The following SYNJ1 variants were observed in gnomAD, a reference collection of about 807,000 sequenced individuals.
SYNJ1 encodes the protein polyphosphatidylinositol phosphatase SYNJ1.
Under a neutral mutation model 168.2 loss-of-function variants are expected in SYNJ1, and 78 were observed. The observed-to-expected ratio is 0.46, with a 90% CI of 0.39 to 0.56. The LOEUF is 0.56. Ranked by LOEUF, SYNJ1 falls within the 20% of genes least tolerant of loss-of-function variation. The pLI is 0.00. For synonymous variants in SYNJ1, 539 were observed against 548.6 expected (o/e 0.98, Z 0.24); for missense variants, 1,303 against 1,597.6 (o/e 0.82, Z 3.14).
At chr21:32,639,193 GA>G in intron 30 of SYNJ1, 68 bp from the exon 31 acceptor site, 1 of 1,401,042 alleles carries the variant, frequency 7.1e-7, no homozygotes, top group Non-Finnish European at 9.7e-7. Flanking sequence ...CTTCTTTAGT[GA>G]AATGTTAGGA....
At chr21:32,642,234 G>A (rs1020226353) in intron 27 of SYNJ1, 101 bp from the exon 28 acceptor site, 2 of 1,316,980 alleles carry the variant, frequency 1.5e-6, no homozygotes, top group African/African-American at 1.5e-5. Context: ...AGCAGAAATG[G>A]GGGCATGAGA....
intron 15 of SYNJ1, among the ~76,000 whole-genome samples, chr21:32,668,556 T>A (rs1204389939): frequency 1.3e-5 from 2 of 152,214 alleles, no homozygotes; most frequent in Non-Finnish European, 2.9e-5. Flanking sequence ...ATTTTCCTGA[T>A]GTGAATTGTT....
chr21:32,659,563 G>A (rs845007), intron 18 of SYNJ1, among the ~76,000 whole-genome samples: 12,583 of 152,194 alleles, frequency 0.083, 685 homozygotes, highest in South Asian at 0.16. Flanking sequence ...GTATGGAAAA[G>A]CATCATGAAA....
At chr21:32,638,654 G>T (rs2039686258) in intron 31 of SYNJ1, among the ~76,000 whole-genome samples, 1 of 152,070 alleles carries the variant, frequency 6.6e-6, no homozygotes, top group South Asian at 2.1e-4. Context: ...CGGAGATCAT[G>T]CCACTTCACT....
chr21:32,642,241 G>A (rs967180036), intron 27 of SYNJ1, 108 bp from the exon 28 acceptor site: 3 of 1,223,006 alleles, frequency 2.5e-6, no homozygotes, highest in Non-Finnish European at 3.6e-6. Flanking sequence ...ATGGGGGCAT[G>A]AGATGGTAAC....
chr21:32,715,021 G>A (rs1481341762), intron 2 of SYNJ1, among the ~76,000 whole-genome samples: 1 of 152,068 alleles, frequency 6.6e-6, no homozygotes, highest in Non-Finnish European at 1.5e-5. Context: ...TCTGAAAACT[G>A]TACTTTCTAC....
chr21:32,631,226 C>T lies in SYNJ1; in HGVS notation c.*579G>A. On this transcript the variant is annotated 3_prime_UTR_variant, in exon 33 of 33. Coordinates refer to ENST00000674351, the MANE Select transcript of SYNJ1 (RefSeq NM_203446.3). ...TACCCAGTAAGTCTGAACAAGCTGA[C>T]TTTGACTTCCCTTTCACACCAAAAT... 1 of 1,614,210 alleles carries T rather than the reference C, an allele frequency of 6.2e-7. No homozygotes were observed. The highest frequency in any genetic ancestry group is 1.1e-5 in the South Asian group (1 of 91,088).
Position 32,634,873 on chromosome 21 carries a change from T to C in SYNJ1, c.3927A>G (p.Pro1309=). The C allele has an allele frequency of 6.2e-7, 1 of 1,613,888 alleles. No homozygotes were observed. The highest frequency in any genetic ancestry group is 8.5e-7 in the Non-Finnish European group (1 of 1,179,946). Residue 1309 remains proline, a synonymous_variant, in exon 32 of 33, where the codon CCA becomes CCG. Transcript: ENST00000674351. ...AATTGTCAGATACCTGTTACCCTGA[T>C]GGTTGCTCCTGCTTTGAGAAAGGAA... ...EASSQPQQEQ[P]SG is the part of the protein sequence containing the mutation.
intron 18 of SYNJ1, among the ~76,000 whole-genome samples, chr21:32,662,187 C>T (rs1268239971): frequency 6.6e-6 from 1 of 152,170 alleles, no homozygotes; most frequent in East Asian, 1.9e-4. Context: ...AAGCCCTGCT[C>T]CAGTCACACC....
chr21:32,631,088 G>T lies in SYNJ1; in HGVS notation c.*717C>A. 1 of 1,614,226 alleles carries T rather than the reference G, an allele frequency of 6.2e-7. No individual in the cohort carries two copies. The highest frequency in any genetic ancestry group is 8.5e-7 in the Non-Finnish European group (1 of 1,180,042). ...GGCTGGTGCCGGGCGGGAGCAGAGG[G>T]ACAGGAGGTGGAGGAGGTCTTCTTG... On this transcript the variant is annotated 3_prime_UTR_variant, in exon 33 of 33. Transcript: ENST00000674351.
intron 15 of SYNJ1, among the ~76,000 whole-genome samples, chr21:32,668,450 T>G (rs2041044584): frequency 6.6e-6 from 1 of 152,196 alleles, no homozygotes; most frequent in African/African-American, 2.4e-5. Context: ...CACTTAGTAC[T>G]AGGAACCCTC....
rs775063213 is a variant in SYNJ1 at position 32,726,789 on chromosome 21, C to T, written c.107G>A (p.Gly36Glu). The T allele has an allele frequency of 6.2e-7, 1 of 1,614,088 alleles. No homozygotes were observed. Among genetic ancestry groups the T allele is most frequent in the East Asian group, 2.2e-5 (1 of 44,868 alleles). The change falls in exon 2 of 33, where the codon GGG becomes GAG. Residue 36 changes from glycine to glutamate, a missense_variant. Gly to Glu is a moderately conservative substitution (Grantham distance 98). This residue lies in a region of SYNJ1 where 920 missense variants were observed against 1,208.8 expected (regional missense o/e 0.76). Coordinates refer to ENST00000674351, the MANE Select transcript of SYNJ1 (RefSeq NM_203446.3). ...HKEECLMFES[G>E]AVAVLSSAEK... ...TGACTTACAGAGCACAGCGACAGCCCCAGACTCGAACATGAGACATTCTTC... is the reference window on the plus strand; with the variant it reads ...TGACTTACAGAGCACAGCGACAGCCTCAGACTCGAACATGAGACATTCTTC...
At chr21:32,640,485 TG>T (rs1569028830) in intron 29 of SYNJ1, among the ~76,000 whole-genome samples, 1 of 151,904 alleles carries the variant, frequency 6.6e-6, no homozygotes, top group African/African-American at 2.4e-5. Context: ...TTAGTACAGA[TG>T]GGGTTTCACC....
At chr21:32,727,863 A>G in intron 1 of SYNJ1, 83 bp downstream of exon 1, 1 of 1,516,900 alleles carries the variant, frequency 6.6e-7, no homozygotes, top group South Asian at 1.2e-5. Flanking sequence ...GCGGAGGCAG[A>G]GACTGGTCTT....
At chr21:32,653,227 A>T in intron 22 of SYNJ1, 61 bp downstream of exon 22, 1 of 1,332,608 alleles carries the variant, frequency 7.5e-7, no homozygotes, top group South Asian at 1.2e-5. Flanking sequence ...CTATAAAAAT[A>T]TCATACCATC....
At position 32,702,049 on chromosome 21, in the gene SYNJ1, T is replaced by C. The variant is rs2042423318; in HGVS notation, c.125-2A>G. The C allele has an allele frequency of 6.5e-7, 1 of 1,547,066 alleles. No individual in the cohort carries two copies. Among genetic ancestry groups the C allele is most frequent in the African/African-American group, 1.3e-5 (1 of 74,088 alleles). ...TGATTGCCTCTTTTTCTGCAGATGC[T>C]ACAAAAAAAAGTTTTAGTTTAAGAA... On this transcript the variant is annotated splice_acceptor_variant, in intron 2 of 32. Transcript: ENST00000674351. LOFTEE classifies it high-confidence loss of function.
At chr21:32,720,424 A>G (rs1216788885) in intron 2 of SYNJ1, among the ~76,000 whole-genome samples, 3 of 152,238 alleles carry the variant, frequency 2.0e-5, no homozygotes, top group African/African-American at 7.2e-5. Context: ...AGGATATTTC[A>G]TATTCTGTAA....
intron 2 of SYNJ1, among the ~76,000 whole-genome samples, chr21:32,706,150 G>A (rs1029986912): frequency 2.6e-4 from 39 of 152,240 alleles, no homozygotes; most frequent in African/African-American, 6.7e-4. Flanking sequence ...CCAAAGTGAG[G>A]GAGAATCTAC....
chr21:32,723,494 T>C (rs2043325654), intron 2 of SYNJ1, among the ~76,000 whole-genome samples: 1 of 152,142 alleles, frequency 6.6e-6, no homozygotes, highest in Admixed American at 6.5e-5. Context: ...CATATGAGCA[T>C]TTAGACAACA....
Sources: allele counts gnomAD v4.1 joint callset (sites outside exome capture counted in the v4.1 genomes callset), GRCh38; gene constraint gnomAD v4.1.1; regional missense constraint gnomAD v4.1.1; transcripts MANE v1.5; gene names NCBI Gene and HGNC (gene_info 2026-07-23, HGNC 2026-07-21).